PALM2AKAP2: variants seen among roughly 807,000 people sequenced by gnomAD.
PALM2AKAP2 encodes the protein PALM2 and AKAP2 fusion, also known as PALM2-AKAP2 fusion protein.
In PALM2AKAP2, 37 loss-of-function variants were observed where a neutral mutation model predicts 71.5. That is an observed-to-expected ratio of 0.52 (90% CI 0.40 to 0.68). PALM2AKAP2 has a LOEUF of 0.68. Ranked by LOEUF, PALM2AKAP2 falls within the 30% of genes least tolerant of loss-of-function variation. PALM2AKAP2 has a pLI of 0.00. For missense variants in PALM2AKAP2, 1,224 were observed against 1,191.8 expected, an observed-to-expected ratio of 1.03 and a Z score of -0.40; for synonymous variants, 468 against 478.8, an observed-to-expected ratio of 0.98 and a Z score of 0.29.
At chr9:110,140,470 A>C (rs1429392015) in intron 2 of PALM2AKAP2, among the ~76,000 whole-genome samples, 1 of 152,160 alleles carries the variant, frequency 6.6e-6, no homozygotes, top group African/African-American at 2.4e-5. Context: ...GCTCATTGTT[A>C]TTGCATTGTC....
At chr9:109,815,273 G>C (rs1049234728) in intron 1 of PALM2AKAP2, among the ~76,000 whole-genome samples, 2 of 152,234 alleles carry the variant, frequency 1.3e-5, no homozygotes, top group Non-Finnish European at 2.9e-5. Context: ...TTGGGGAAAA[G>C]TGATGAGTTT....
At chr9:109,744,763 C>T (rs1382978681) in intron 1 of PALM2AKAP2, among the ~76,000 whole-genome samples, 2 of 152,204 alleles carry the variant, frequency 1.3e-5, no homozygotes, top group African/African-American at 4.8e-5. Context: ...CTCACAGCCT[C>T]TGGCAACACT....
intron 1 of PALM2AKAP2, among the ~76,000 whole-genome samples, chr9:109,735,901 G>T (rs1828622553): frequency 6.6e-6 from 1 of 152,238 alleles, no homozygotes; most frequent in Non-Finnish European, 1.5e-5. Context: ...GGCTTGGGAA[G>T]ACAGGCCATC....
intron 1 of PALM2AKAP2, among the ~76,000 whole-genome samples, chr9:109,702,323 C>G (rs996409211): frequency 1.3e-5 from 2 of 152,172 alleles, no homozygotes; most frequent in Non-Finnish European, 1.5e-5. Flanking sequence ...TTCACAATAG[C>G]AAAGACTTGG....
chr9:110,115,751 C>T (rs1358343746), intron 1 of PALM2AKAP2, among the ~76,000 whole-genome samples: 7 of 51,732 alleles, frequency 1.4e-4, no homozygotes, highest in African/African-American at 1.9e-4. Flanking sequence ...TATCCACGAT[C>T]GTGGGGGTGG....
chr9:109,991,910 A>G (rs774611596), intron 6 of PALM2AKAP2, among the ~76,000 whole-genome samples: 2 of 152,218 alleles, frequency 1.3e-5, no homozygotes, highest in East Asian at 3.8e-4. Flanking sequence ...TAGGACCAGT[A>G]GTTACATAAA....
chr9:109,987,436 C>T (rs866700910), intron 6 of PALM2AKAP2, among the ~76,000 whole-genome samples: 26 of 152,056 alleles, frequency 1.7e-4, no homozygotes, highest in African/African-American at 6.0e-4. Flanking sequence ...GCCTGCTTTC[C>T]TTTTTCATAA....
intron 1 of PALM2AKAP2, among the ~76,000 whole-genome samples, chr9:110,072,001 G>C (rs1049782511): frequency 1.3e-5 from 2 of 152,188 alleles, no homozygotes; most frequent in Non-Finnish European, 2.9e-5. Context: ...TGAAAGGTGA[G>C]TTAGTAGTAG....
chr9:109,953,712 G>A (rs950104974), intron 6 of PALM2AKAP2, among the ~76,000 whole-genome samples: 1 of 151,716 alleles, frequency 6.6e-6, no homozygotes, highest in African/African-American at 2.4e-5. Context: ...GCACGTGCCT[G>A]TAATCCCCGC....
chr9:110,168,743 T>C (rs528269843), exon 4 of PALM2AKAP2: 64 of 450,952 alleles, frequency 1.4e-4, no homozygotes, highest in African/African-American at 1.1e-3. Flanking sequence ...CAGTGTCTGG[T>C]TTGGGGCCAA....
intron 6 of PALM2AKAP2, among the ~76,000 whole-genome samples, chr9:109,999,621 C>G (rs1228723284): frequency 6.6e-6 from 1 of 152,236 alleles, no homozygotes. Flanking sequence ...TTAACAAACA[C>G]TTGGATGAGA....
intron 6 of PALM2AKAP2, among the ~76,000 whole-genome samples, chr9:109,976,446 G>A (rs1356006071): frequency 2.6e-5 from 4 of 152,218 alleles, no homozygotes; most frequent in Non-Finnish European, 5.9e-5. Context: ...GATGGAGATG[G>A]ATGCCTGGAG....
chr9:109,830,284 A>G (rs905894762), intron 1 of PALM2AKAP2, among the ~76,000 whole-genome samples: 9 of 152,224 alleles, frequency 5.9e-5, no homozygotes, highest in South Asian at 2.1e-4. Context: ...ACCAAATGCA[A>G]CTTTCTTAGA....
chr9:109,941,825 G>T lies in PALM2AKAP2; in HGVS notation c.496+9797G>T, dbSNP rs1345657364. On this transcript the variant is annotated intron_variant, in intron 6 of 9. Transcript: ENST00000302798. ...TGAGAGACAGGGGCAAGGGGAGGGG[G>T]AGACCAGGTAGGAAGCTCTTCCAAC... 4.6e-5 allele frequency among the ~76,000 whole-genome samples: 7 copies of T among 152,314 alleles called. No homozygotes were observed. The East Asian group carries it at 1.3e-3, about 29-fold the overall frequency.
intron 1 of PALM2AKAP2, among the ~76,000 whole-genome samples, chr9:110,065,413 G>T (rs1463897461): frequency 6.6e-6 from 1 of 152,094 alleles, no homozygotes; most frequent in Non-Finnish European, 1.5e-5. Context: ...ATTTTCTGTA[G>T]ACAGGGTCAC....
intron 6 of PALM2AKAP2, among the ~76,000 whole-genome samples, chr9:109,990,483 G>A (rs1832457859): frequency 6.6e-6 from 1 of 152,224 alleles, no homozygotes; most frequent in Admixed American, 6.5e-5. Context: ...TGTCGTCAAA[G>A]CTCTTTCCAT....
chr9:110,069,792 G>T lies in PALM2AKAP2; in HGVS notation c.156+20937G>T, dbSNP rs916426181. Among the ~76,000 whole-genome samples the T allele has an allele frequency of 2.0e-5, 3 of 152,212 alleles. No individual in the cohort carries two copies. In the East Asian group the frequency reaches 5.8e-4, roughly 29 times the overall value. The stretch of plus-strand genomic sequence containing the variant: ...TGGAGGTGGAGCTGCAACAGAGTGA[G>T]TCCCCGTGGTCAGTCACATGCACCG... On this transcript the variant is annotated intron_variant, in intron 1 of 3. Transcript: ENST00000374525.
At chr9:109,959,342 T>C (rs917639413) in intron 6 of PALM2AKAP2, among the ~76,000 whole-genome samples, 2 of 151,882 alleles carry the variant, frequency 1.3e-5, no homozygotes, top group African/African-American at 4.8e-5. Context: ...CCATAGAGAG[T>C]TGTCTTAAGT....
chr9:109,888,092 C>G (rs1830007663), intron 3 of PALM2AKAP2, among the ~76,000 whole-genome samples: 1 of 152,198 alleles, frequency 6.6e-6, no homozygotes, highest in Non-Finnish European at 1.5e-5. Context: ...CTTTCTGTCT[C>G]TTTTGGAAGC....
Sources: allele counts gnomAD v4.1 joint callset (sites outside exome capture counted in the v4.1 genomes callset), GRCh38; gene constraint gnomAD v4.1.1; transcripts MANE v1.5; gene names NCBI Gene and HGNC (gene_info 2026-07-23, HGNC 2026-07-21).